Variants in IFTAP observed in about 807,000 individuals in gnomAD.
IFTAP encodes the protein intraflagellar transport-associated protein.
Under a neutral mutation model 19.4 loss-of-function variants are expected in IFTAP, and 19 were observed. The ratio of observed to expected loss-of-function variants is 0.98; its 90% CI spans 0.68 to 1.44. The LOEUF (loss-of-function observed/expected upper bound fraction) is 1.44. Among genes scored for constraint, IFTAP ranks in the 40% most tolerant of loss-of-function variants. IFTAP has a pLI of 0.00. For missense variants in IFTAP, 240 were observed against 253.6 expected (o/e 0.95, Z 0.36); for synonymous variants, 85 against 83.5 (o/e 1.02, Z -0.10).
intron 1 of IFTAP, among the ~76,000 whole-genome samples, chr11:36,599,973 A>G (rs1331885829): frequency 6.6e-6 from 1 of 152,214 alleles, no homozygotes; most frequent in African/African-American, 2.4e-5. Flanking sequence ...TTTGGATTTT[A>G]CTAACATCAA....
At chr11:36,648,818 C>A (rs1195962592) in intron 5 of IFTAP, among the ~76,000 whole-genome samples, 1 of 152,148 alleles carries the variant, frequency 6.6e-6, no homozygotes, top group East Asian at 1.9e-4. Context: ...TGTCGGCTCA[C>A]ATTCCATTGG....
At chr11:36,618,110 T>C (rs950697772) in intron 2 of IFTAP, among the ~76,000 whole-genome samples, 2 of 151,998 alleles carry the variant, frequency 1.3e-5, no homozygotes, top group South Asian at 4.1e-4. Flanking sequence ...TAAAGTTAGG[T>C]AGCTTGCTAT....
intron 2 of IFTAP, among the ~76,000 whole-genome samples, chr11:36,611,941 A>G (rs888293945): frequency 1.3e-5 from 2 of 152,094 alleles, no homozygotes; most frequent in African/African-American, 4.8e-5. Flanking sequence ...GGTGGAAATA[A>G]GGGTAAAATT....
In IFTAP at chr11:36,645,544, T is replaced by C. The variant is rs61880063; in HGVS notation, c.359-2472T>C. The stretch of plus-strand genomic sequence containing the variant: ...TATACAGAGAACTTCAGAAATTTCA[T>C]TTCCTACCATGAGTGAATACAGTAT... On this transcript the variant is annotated intron_variant, in intron 4 of 5. Transcript: ENST00000334307. 9.6e-3 allele frequency among the ~76,000 whole-genome samples: 1,460 copies of C among 152,198 alleles called. 12 individuals are homozygous for C. The highest frequency in any genetic ancestry group is 0.018 in the Admixed American group (272 of 15,266).
intron 5 of IFTAP, among the ~76,000 whole-genome samples, chr11:36,657,721 G>T (rs1854055640): frequency 6.6e-6 from 1 of 152,164 alleles, no homozygotes; most frequent in Non-Finnish European, 1.5e-5. Flanking sequence ...AGGGGTAACA[G>T]TGACTACCAG....
At chr11:36,642,593 AT>A (rs1352629941) in intron 4 of IFTAP, among the ~76,000 whole-genome samples, 1 of 152,198 alleles carries the variant, frequency 6.6e-6, no homozygotes, top group East Asian at 1.9e-4. Flanking sequence ...ATGAACATCG[AT>A]GCAAAAATCC....
chr11:36,644,393 T>C (rs1260022527), intron 4 of IFTAP, among the ~76,000 whole-genome samples: 6 of 152,210 alleles, frequency 3.9e-5, no homozygotes, highest in Non-Finnish European at 5.9e-5. Context: ...ACTTTTACAC[T>C]GTTGGTGGGA....
intron 4 of IFTAP, among the ~76,000 whole-genome samples, chr11:36,643,357 A>G (rs992259276): frequency 3.3e-5 from 5 of 152,358 alleles, no homozygotes; most frequent in African/African-American, 1.2e-4. Flanking sequence ...GAGGATACAA[A>G]CAAATGGACG....
chr11:36,652,160 G>T (rs1853766396), intron 5 of IFTAP, among the ~76,000 whole-genome samples: 1 of 152,156 alleles, frequency 6.6e-6, no homozygotes, highest in African/African-American at 2.4e-5. Context: ...CCATTTTCAT[G>T]ATATTGATTC....
chr11:36,609,876 G>A (rs1465836435), intron 1 of IFTAP, among the ~76,000 whole-genome samples: 1 of 152,046 alleles, frequency 6.6e-6, no homozygotes, highest in Admixed American at 6.6e-5. Flanking sequence ...GCAGACTGAA[G>A]CAAAAAATAA....
intron 3 of IFTAP, among the ~76,000 whole-genome samples, chr11:36,634,123 G>A (rs1030261922): frequency 6.6e-6 from 1 of 152,012 alleles, no homozygotes; most frequent in African/African-American, 2.4e-5. Flanking sequence ...TTTATTTCCT[G>A]AACTTGCTTC....
At chr11:36,648,236 T>G in intron 5 of IFTAP, 81 bp downstream of exon 5, 1 of 1,462,462 alleles carries the variant, frequency 6.8e-7, no homozygotes, top group East Asian at 2.4e-5. Flanking sequence ...TGCATGCTTC[T>G]GTATTTTTCT....
At chr11:36,607,001 G>A (rs113345859) in intron 1 of IFTAP, among the ~76,000 whole-genome samples, 6,212 of 152,164 alleles carry the variant, frequency 0.041, 408 homozygotes, top group African/African-American at 0.14. Flanking sequence ...GTGCTTTTTC[G>A]TGTATCTAAT....
chr11:36,647,846 G>A (rs1338766188), intron 4 of IFTAP, among the ~76,000 whole-genome samples, 170 bp from the exon 5 acceptor site: 1 of 152,154 alleles, frequency 6.6e-6, no homozygotes, highest in Non-Finnish European at 1.5e-5. Context: ...CTATTATGAG[G>A]AAAGGGCAAT....
At chr11:36,606,487 A>G (rs1205020090) in intron 1 of IFTAP, among the ~76,000 whole-genome samples, 1 of 140,530 alleles carries the variant, frequency 7.1e-6, no homozygotes, top group East Asian at 1.9e-4. Context: ...TGTCATCTCT[A>G]TATTGGGATA....
chr11:36,604,832 G>C (rs188726599), intron 1 of IFTAP, among the ~76,000 whole-genome samples: 1 of 151,958 alleles, frequency 6.6e-6, no homozygotes, highest in Non-Finnish European at 1.5e-5. Flanking sequence ...TCTATGATTG[G>C]ACTAGATAAC....
intron 1 of IFTAP, among the ~76,000 whole-genome samples, chr11:36,600,690 T>C (rs377281335): frequency 1.3e-5 from 2 of 152,250 alleles, no homozygotes; most frequent in African/African-American, 4.8e-5. Context: ...CTTCCCACAT[T>C]CAGCTTTTCT....
At chr11:36,632,994 A>G (rs1242796953) in intron 2 of IFTAP, among the ~76,000 whole-genome samples, 1 of 151,232 alleles carries the variant, frequency 6.6e-6, no homozygotes, top group Non-Finnish European at 1.5e-5. Context: ...GTCATGTCTA[A>G]GAGTCTCACA....
intron 2 of IFTAP, among the ~76,000 whole-genome samples, chr11:36,630,416 C>T (rs904262670): frequency 6.6e-6 from 1 of 151,248 alleles, no homozygotes; most frequent in African/African-American, 2.5e-5. Flanking sequence ...ATCATCCAGT[C>T]TGTCTTTTAA....
Sources: allele counts gnomAD v4.1 joint callset (sites outside exome capture counted in the v4.1 genomes callset), GRCh38; gene constraint gnomAD v4.1.1; transcripts MANE v1.5; gene names NCBI Gene and HGNC (gene_info 2026-07-23, HGNC 2026-07-21).